Variants in MLLT10 observed in about 807,000 individuals in gnomAD.
MLLT10 encodes MLLT10 histone lysine methyltransferase DOT1L cofactor.
A neutral mutation model predicts 129.1 loss-of-function variants in MLLT10; 30 were observed. The observed-to-expected ratio is 0.23, with a 90% CI of 0.17 to 0.32. The LOEUF is 0.32. Ranked by LOEUF, MLLT10 falls within the 10% of genes least tolerant of loss-of-function variation. The pLI, the probability that MLLT10 is intolerant of heterozygous loss-of-function variation, is 1.00. For missense variants in MLLT10, 1,119 were observed against 1,268.3 expected (o/e 0.88, Z 1.79); for synonymous variants, 490 against 446.4 (o/e 1.10, Z -1.23).
chr10:21,628,113 A>G (rs552838931), intron 8 of MLLT10, among the ~76,000 whole-genome samples: 1 of 152,172 alleles, frequency 6.6e-6, no homozygotes, highest in South Asian at 2.1e-4. Flanking sequence ...GCTTTTGCTG[A>G]TATTCTCCTG....
chr10:21,541,285 A>T (rs1353778699), intron 3 of MLLT10: 2 of 152,168 alleles, frequency 1.3e-5, no homozygotes, highest in Non-Finnish European at 2.9e-5. Context: ...TGGCGCAATC[A>T]TTGCTCACTG....
chr10:21,574,195 TAA>T (rs990471998), intron 3 of MLLT10, among the ~76,000 whole-genome samples: 10 of 152,240 alleles, frequency 6.6e-5, no homozygotes, highest in Non-Finnish European at 8.8e-5. Context: ...TCAGTTTTGA[TAA>T]GTTTCATTTT....
intron 5 of MLLT10, among the ~76,000 whole-genome samples, chr10:21,599,947 A>T (rs1291472454): frequency 2.0e-5 from 3 of 152,224 alleles, no homozygotes; most frequent in Non-Finnish European, 4.4e-5. Flanking sequence ...AATTATTTAG[A>T]TATAAACATT....
Position 21,538,052 on chromosome 10 carries a change from G to A in MLLT10, c.161-781G>A, listed in dbSNP as rs533046356. On this transcript the variant is annotated intron_variant, in intron 2 of 22. Coordinates refer to ENST00000307729, the MANE Select transcript of MLLT10 (RefSeq NM_001195626.3). ...GTCTCCCTCTGTTGCCCAGGCTGGA[G>A]CACAGTGGTGTGATTATGGCTCACT... Among the ~76,000 whole-genome samples the A allele has an allele frequency of 2.0e-4, 31 of 151,838 alleles. No homozygotes were observed. In the South Asian group the frequency reaches 6.5e-3, roughly 32 times the overall value.
intron 11 of MLLT10, among the ~76,000 whole-genome samples, chr10:21,680,685 A>G (rs1589609998): frequency 6.6e-6 from 1 of 152,192 alleles, no homozygotes; most frequent in East Asian, 1.9e-4. Context: ...CTAATGAATG[A>G]CCTAGACCTA....
At chr10:21,726,197 A>G (rs775506860) in intron 14 of MLLT10, 47 bp from the exon 15 acceptor site, 20 of 1,249,552 alleles carry the variant, frequency 1.6e-5, no homozygotes, top group Non-Finnish European at 2.0e-5. Flanking sequence ...AACTTTTAAT[A>G]TATTTTCACA....
chr10:21,688,243 G>A (rs1351375020), intron 13 of MLLT10, among the ~76,000 whole-genome samples: 1 of 152,186 alleles, frequency 6.6e-6, no homozygotes, highest in Admixed American at 6.5e-5. Context: ...AGTGAGGGAA[G>A]CAGTACAAAT....
chr10:21,653,872 A>G (rs890424682), intron 9 of MLLT10, among the ~76,000 whole-genome samples: 4 of 152,240 alleles, frequency 2.6e-5, no homozygotes, highest in Non-Finnish European at 5.9e-5. Flanking sequence ...TAAAGCCACA[A>G]GACTGAATGA....
At chr10:21,545,539 A>C (rs2035927246) in intron 3 of MLLT10, among the ~76,000 whole-genome samples, 1 of 152,170 alleles carries the variant, frequency 6.6e-6, no homozygotes, top group Admixed American at 6.5e-5. Context: ...GAAAGAGAAA[A>C]ATTAAAGGAG....
At chr10:21,566,389 C>T (rs1327374193) in intron 3 of MLLT10, among the ~76,000 whole-genome samples, 1 of 147,470 alleles carries the variant, frequency 6.8e-6, no homozygotes, top group Non-Finnish European at 1.5e-5. Context: ...AGTGCAGTGG[C>T]TCAATCTTGG....
At chr10:21,728,091 ATTAAT>A (rs1217272835) in intron 16 of MLLT10, among the ~76,000 whole-genome samples, 163 bp downstream of exon 16, 2 of 152,258 alleles carry the variant, frequency 1.3e-5, no homozygotes, top group African/African-American at 4.8e-5. Context: ...TAATTTAAAT[ATTAAT>A]TTAAACACCA....
chr10:21,566,825 T>G (rs1299267975), intron 3 of MLLT10, among the ~76,000 whole-genome samples: 1 of 152,146 alleles, frequency 6.6e-6, no homozygotes, highest in Non-Finnish European at 1.5e-5. Context: ...TTTTTCTTCT[T>G]TTTTTGATAC....
chr10:21,548,470 C>T (rs760639322), intron 3 of MLLT10, among the ~76,000 whole-genome samples: 2 of 151,400 alleles, frequency 1.3e-5, no homozygotes, highest in African/African-American at 2.4e-5. Flanking sequence ...CCCGGGTTCA[C>T]GCCATTCTCC....
intron 8 of MLLT10, among the ~76,000 whole-genome samples, chr10:21,640,362 G>A (rs1309635297): frequency 1.4e-5 from 2 of 146,610 alleles, no homozygotes; most frequent in South Asian, 2.1e-4. Flanking sequence ...ACACATATAT[G>A]TGTGTGTGTA....
chr10:21,534,305 A>AG lies in MLLT10; in HGVS notation c.-215dup. Reference sequence around the variant, plus strand: ...CCCTCGCTGCCCCTGGCCCAGCGGGAGCCCCCCCTCCCCCCAGTGCGCCTG... The same window carrying AG: ...CCCTCGCTGCCCCTGGCCCAGCGGGAGGCCCCCCCTCCCCCCAGTGCGCCTG... On this transcript the variant is annotated 5_prime_UTR_variant, in exon 1 of 23. Coordinates refer to ENST00000307729, the MANE Select transcript of MLLT10 (RefSeq NM_001195626.3). 1 of 302,970 alleles carries AG rather than the reference A, an allele frequency of 3.3e-6. No homozygotes were observed. Among genetic ancestry groups the AG allele is most frequent in the Non-Finnish European group, 5.9e-6 (1 of 169,302 alleles). 18.8% of individuals were successfully genotyped at this position (302,970 alleles called of 1,614,324 possible).
intron 8 of MLLT10, among the ~76,000 whole-genome samples, chr10:21,627,886 A>C (rs2046616307): frequency 6.6e-6 from 1 of 152,236 alleles, no homozygotes; most frequent in Non-Finnish European, 1.5e-5. Flanking sequence ...CCGAATACCT[A>C]GAAATCTCCT....
At chr10:21,696,956 T>G (rs1414395977) in intron 13 of MLLT10, among the ~76,000 whole-genome samples, 4 of 152,112 alleles carry the variant, frequency 2.6e-5, no homozygotes, top group Non-Finnish European at 5.9e-5. Flanking sequence ...GGTTAAAATT[T>G]AAAAGTCCTT....
intron 8 of MLLT10, among the ~76,000 whole-genome samples, chr10:21,640,026 C>G (rs2047833088): frequency 6.6e-6 from 1 of 151,660 alleles, no homozygotes; most frequent in African/African-American, 2.4e-5. Flanking sequence ...TGTTCTGAAG[C>G]TGCATCAGGA....
At chr10:21,553,548 A>G (rs555120200) in intron 3 of MLLT10, among the ~76,000 whole-genome samples, 2 of 151,964 alleles carry the variant, frequency 1.3e-5, no homozygotes, top group Admixed American at 1.3e-4. Flanking sequence ...GCTGGTCTCA[A>G]ACTCCTGGCC....
Sources: allele counts gnomAD v4.1 joint callset (sites outside exome capture counted in the v4.1 genomes callset), GRCh38; gene constraint gnomAD v4.1.1; transcripts MANE v1.5; gene names NCBI Gene and HGNC (gene_info 2026-07-23, HGNC 2026-07-21).